HSF1: variants seen among roughly 807,000 people sequenced by gnomAD.
HSF1 encodes heat shock factor protein 1.
In HSF1, 32 loss-of-function variants were observed where a neutral mutation model predicts 51.7. The ratio of observed to expected loss-of-function variants is 0.62; its 90% CI spans 0.47 to 0.83. HSF1 has a LOEUF of 0.83. HSF1 is among the 40% of genes least tolerant of loss of function. The pLI, the probability that HSF1 is intolerant of heterozygous loss-of-function variation, is 0.00. For missense variants in HSF1, 727 were observed against 717.0 expected (o/e 1.01, Z -0.16); for synonymous variants, 396 against 309.7 (o/e 1.28, Z -2.92).
In HSF1 at chr8:144,291,864, G is replaced by A; in HGVS notation, c.107G>A (p.Cys36Tyr). 2.0e-6 allele frequency: 3 copies of A among 1,536,536 alleles called. No homozygotes were observed. The highest frequency in any genetic ancestry group is 2.6e-6 in the Non-Finnish European group (3 of 1,146,732). Residue 36 changes from cysteine (C) to tyrosine (Y), a missense_variant, in exon 1 of 13, where the codon TGC (cysteine) becomes TAC (tyrosine). Physicochemically the swap from Cys to Tyr is radical, Grantham distance 194 (BLOSUM62 -2). This residue lies in a region of HSF1 where 257 missense variants were observed against 318.3 expected (regional missense o/e 0.81). Transcript: ENST00000528838. This position sits in a 1 kb window ranked among gnomAD's most constrained non-coding sequence, Gnocchi z 4.1. ...VSDPDTDALICWSPSGNSFHV... is the reference protein window; with the variant it reads ...VSDPDTDALIYWSPSGNSFHV... ...GACCCGGACACCGACGCGCTCATCT[G>A]CTGGAGCCCGGTGAGGGCAGCGCGC...
At chr8:144,305,416 C>T (rs1554843126) in intron 1 of HSF1, among the ~76,000 whole-genome samples, 2 of 152,158 alleles carry the variant, frequency 1.3e-5, no homozygotes, top group African/African-American at 4.8e-5. Context: ...TCTCTTGCCT[C>T]AGCCTCCCAA....
At chr8:144,294,761 A>C (rs1201734435) in intron 1 of HSF1, among the ~76,000 whole-genome samples, 1,273 of 128,886 alleles carry the variant, frequency 9.9e-3, no homozygotes, top group African/African-American at 0.012. Flanking sequence ...TTGATTTCCC[A>C]CCCCCCCCTC....
intron 11 of HSF1, 33 bp from the exon 12 acceptor site, chr8:144,313,952 G>T: frequency 6.2e-7 from 1 of 1,610,480 alleles, no homozygotes; most frequent in Non-Finnish European, 8.5e-7. Context: ...CGAGACCAGC[G>T]GGAGTGCTCA....
intron 1 of HSF1, among the ~76,000 whole-genome samples, chr8:144,302,321 A>G (rs1815943101): frequency 6.6e-6 from 1 of 150,440 alleles, no homozygotes; most frequent in African/African-American, 2.4e-5. Flanking sequence ...AGCCTGGCCA[A>G]TATGGTGAAA....
rs781833587 is a variant in HSF1, at chr8:144,308,938, C to T, written c.150C>T (p.Gly50=). 18 of 1,614,150 alleles carry T rather than the reference C, an allele frequency of 1.1e-5. No individual in the cohort carries two copies. The highest frequency in any genetic ancestry group is 1.5e-5 in the Non-Finnish European group (18 of 1,179,970). ...SGNSFHVFDQ[G]QFAKEVLPKY... ...ACAGCTTCCACGTGTTCGACCAGGG[C>T]CAGTTTGCCAAGGAGGTGCTGCCCA... Residue 50 remains glycine, a synonymous_variant, in exon 2 of 13, where the codon GGC becomes GGT. Transcript: ENST00000528838.
chr8:144,291,707 C>T lies in HSF1; in HGVS notation c.-51C>T. On this transcript the variant is annotated 5_prime_UTR_variant, in exon 1 of 13. Transcript: ENST00000528838. The surrounding 1 kb of genome is among the most constrained non-coding windows in gnomAD (Gnocchi z 4.1). Reference sequence around the variant, plus strand: ...GCGCGGCGACGGCGTTAGCCCGGCCCTCGGCCCCTCTTTGCGGCCGCTCCC... The same window carrying T: ...GCGCGGCGACGGCGTTAGCCCGGCCTTCGGCCCCTCTTTGCGGCCGCTCCC... 2 of 1,136,302 alleles carry T rather than the reference C, an allele frequency of 1.8e-6. 1 individual carries two copies. Among genetic ancestry groups the T allele is most frequent in the South Asian group, 2.8e-5 (2 of 71,518 alleles). 70.4% of individuals were successfully genotyped at this position (1,136,302 alleles called of 1,614,324 possible). A position where few individuals can be genotyped will look rare whatever the true frequency, so the allele number is the denominator to read the frequency against.
chr8:144,314,075 C>T, intron 12 of HSF1, 21 bp downstream of exon 12: 2 of 1,596,752 alleles, frequency 1.3e-6, no homozygotes, highest in East Asian at 2.3e-5. Flanking sequence ...TCCCACCGGC[C>T]CCACCTCTGC....
chr8:144,296,249 G>T (rs1028238578), intron 1 of HSF1, among the ~76,000 whole-genome samples: 1 of 152,168 alleles, frequency 6.6e-6, no homozygotes, highest in South Asian at 2.1e-4. Context: ...AAGCAGAGCC[G>T]ACCTGGCCAC....
chr8:144,312,506 A>T, intron 9 of HSF1: 1 of 926,846 alleles, frequency 1.1e-6, no homozygotes, highest in Non-Finnish European at 1.7e-6. Context: ...CACCCTCGCC[A>T]CAGGCCACGG....
Position 144,311,505 on chromosome 8 carries a change from C to T in HSF1, c.627C>T (p.Ile209=), listed in dbSNP as rs373537624. The T allele has an allele frequency of 1.2e-5, 20 of 1,613,328 alleles. No individual in the cohort carries two copies. The African/African-American group carries it at 1.7e-4, about 14-fold the overall frequency. Residue 209 remains isoleucine, a splice_region_variant and synonymous_variant, in exon 7 of 13, where the codon ATC becomes ATT. Transcript: ENST00000528838. ...GGCTGACCTGCACCCTTCCCCACAG[C>T]CCCCTGATGCTGAACGACAGTGGCT... ...SNRILGVKRK[I]PLMLNDSGSA... is the part of the protein sequence containing the mutation.
chr8:144,309,391 G>A, intron 2 of HSF1, 64 bp from the exon 3 acceptor site: 1 of 1,599,394 alleles, frequency 6.3e-7, no homozygotes, highest in South Asian at 1.1e-5. Flanking sequence ...TGGAGCAGTG[G>A]CCGCTCTTCA....
intron 8 of HSF1, 55 bp from the exon 9 acceptor site, chr8:144,311,908 G>T: frequency 6.3e-7 from 1 of 1,581,156 alleles, no homozygotes. Flanking sequence ...GGCAGAGTTG[G>T]GGATGAGGTG....
intron 1 of HSF1, among the ~76,000 whole-genome samples, chr8:144,307,635 G>A (rs1413190934): frequency 6.6e-6 from 1 of 152,190 alleles, no homozygotes; most frequent in Admixed American, 6.5e-5. Context: ...TCGGGAGGCT[G>A]AGGCAGGAGA....
intron 11 of HSF1, 22 bp downstream of exon 11, chr8:144,313,933 G>A (rs1554845896): frequency 2.5e-6 from 4 of 1,610,202 alleles, no homozygotes; most frequent in Non-Finnish European, 3.4e-6. Flanking sequence ...GGCGGGGGGT[G>A]AGGGGGAACG....
At position 144,314,004 on chromosome 8, in the gene HSF1, C is replaced by T; in HGVS notation, c.1334C>T (p.Pro445Leu). The T allele has an allele frequency of 6.2e-7, 1 of 1,611,434 alleles. No homozygotes were observed. Among genetic ancestry groups the T allele is most frequent in the South Asian group, 1.1e-5 (1 of 90,994 alleles). ...SLASIQELLS[P>L]QEPPRPPEAE... ...CCACAGATCCAAGAGCTCCTGTCTC[C>T]CCAGGAGCCCCCCAGGCCTCCCGAG... The change falls in exon 12 of 13, where the codon CCC becomes CTC. Residue 445 changes from proline to leucine, a missense_variant. By Grantham distance (98) the Pro-to-Leu change is moderately conservative. Coordinates refer to ENST00000528838, the MANE Select transcript of HSF1 (RefSeq NM_005526.4).
At chr8:144,312,340 G>A in intron 9 of HSF1, 96 bp downstream of exon 9, 2 of 973,582 alleles carry the variant, frequency 2.1e-6, no homozygotes, top group Non-Finnish European at 3.0e-6. Context: ...CAGGGCAGCT[G>A]GCGAGGCAGG....
At position 144,314,497 on chromosome 8, in the gene HSF1, C is replaced by A; in HGVS notation, c.*167C>A. ...GCAGCACCTCTGGTCAGGAGGGTCA[C>A]CCTGGCCTGCCAGTCTGCCTTCCCC... On this transcript the variant is annotated 3_prime_UTR_variant, in exon 13 of 13. Coordinates refer to ENST00000528838, the MANE Select transcript of HSF1 (RefSeq NM_005526.4). The A allele has an allele frequency of 1.6e-6, 1 of 626,652 alleles. No homozygotes were observed. Among genetic ancestry groups the A allele is most frequent in the Non-Finnish European group, 2.8e-6 (1 of 358,130 alleles). 38.8% of individuals were successfully genotyped at this position (626,652 alleles called of 1,614,324 possible).
At chr8:144,302,778 C>T (rs554033543) in intron 1 of HSF1, among the ~76,000 whole-genome samples, 17 of 151,900 alleles carry the variant, frequency 1.1e-4, no homozygotes, top group South Asian at 4.3e-4. Context: ...GCCCAGATCG[C>T]GCCACTGCAC....
chr8:144,300,434 G>T (rs782636317), intron 1 of HSF1, among the ~76,000 whole-genome samples: 5 of 151,902 alleles, frequency 3.3e-5, no homozygotes, highest in African/African-American at 1.2e-4. Context: ...AGCCAGGATG[G>T]TCTCAATCTC....
Sources: gnomAD v4.1 joint callset for allele counts (sites outside exome capture counted in the v4.1 genomes callset) on GRCh38, gnomAD v4.1.1 for gene constraint, gnomAD v4.1.1 regional missense constraint, Gnocchi (gnomAD v3.1) non-coding constraint, MANE v1.5 for transcripts, NCBI Gene and HGNC (gene_info 2026-07-23, HGNC 2026-07-21) for gene names.